CACNA2D3: variants seen among roughly 807,000 people sequenced by gnomAD.
CACNA2D3 encodes calcium voltage-gated channel auxiliary subunit alpha2delta 3, also known as voltage-dependent calcium channel subunit alpha-2/delta-3.
Under a neutral mutation model 160.6 loss-of-function variants are expected in CACNA2D3, and 60 were observed. The observed-to-expected ratio is 0.37, with a 90% CI of 0.30 to 0.46. The LOEUF is 0.46. Among genes scored for constraint, CACNA2D3 ranks in the 20% least tolerant of loss-of-function variants. The pLI is 1.00. For synonymous variants in CACNA2D3, 558 were observed against 492.9 expected, an observed-to-expected ratio of 1.13 and a Z score of -1.75; for missense variants, 1,205 against 1,365.0, an observed-to-expected ratio of 0.88 and a Z score of 1.85.
chr3:54,734,260 A>G (rs1701452467), intron 11 of CACNA2D3, among the ~76,000 whole-genome samples: 1 of 152,160 alleles, frequency 6.6e-6, no homozygotes, highest in Non-Finnish European at 1.5e-5. Context: ...TTCTCTTGTC[A>G]TACCCAATTC....
chr3:54,123,707 C>T, intron 2 of CACNA2D3, 113 bp downstream of exon 2: 1 of 854,134 alleles, frequency 1.2e-6, no homozygotes, highest in Non-Finnish European at 2.0e-6. Context: ...TCGGAGGACT[C>T]TCTGATCCCC....
intron 4 of CACNA2D3, among the ~76,000 whole-genome samples, chr3:54,462,527 C>G (rs544535237): frequency 6.6e-6 from 1 of 152,092 alleles, no homozygotes; most frequent in South Asian, 2.1e-4. Flanking sequence ...TACCATTATG[C>G]AATGGCCTTC....
At chr3:55,012,129 T>A (rs780064338) in intron 34 of CACNA2D3, among the ~76,000 whole-genome samples, 24 of 152,178 alleles carry the variant, frequency 1.6e-4, no homozygotes, top group African/African-American at 5.5e-4. Flanking sequence ...GCTTCTTGCC[T>A]GCTGTGAGGT....
chr3:54,687,103 A>ATTTTTCTTTTTCTTTTTCTTTTTC lies in CACNA2D3; in HGVS notation c.1167+44885_1167+44886insCTTTTTCTTTTTCTTTTTCTTTTT, dbSNP rs1295361854. ...CAAAGTATTCTGTTATTCAAATCGGATTTTTCTTTTTCTTTTTCTTTTTTT... is the reference window on the plus strand; with the variant it reads ...CAAAGTATTCTGTTATTCAAATCGGATTTTTCTTTTTCTTTTTCTTTTTCTTTTTCTTTTTCTTTTTCTTTTTTT... On this transcript the variant is annotated intron_variant, in intron 11 of 37. Transcript: ENST00000474759. Among the ~76,000 whole-genome samples, 895 of 99,846 alleles carry ATTTTTCTTTTTCTTTTTCTTTTTC rather than the reference A, an allele frequency of 9.0e-3. 48 individuals are homozygous for ATTTTTCTTTTTCTTTTTCTTTTTC. The highest frequency in any genetic ancestry group is 0.033 in the African/African-American group (854 of 25,840). The allele number at this position is 99,846 out of a possible 152,430, so 65.5% of individuals were successfully genotyped here.
chr3:54,934,165 A>G (rs1701272957), intron 27 of CACNA2D3, among the ~76,000 whole-genome samples: 1 of 152,250 alleles, frequency 6.6e-6, no homozygotes, highest in African/African-American at 2.4e-5. Flanking sequence ...TTGCAAACAC[A>G]TGGATTGTGA....
At chr3:54,548,044 C>A (rs1702093928) in intron 5 of CACNA2D3, among the ~76,000 whole-genome samples, 1 of 152,128 alleles carries the variant, frequency 6.6e-6, no homozygotes, top group Admixed American at 6.6e-5. Flanking sequence ...ACACCTGCCA[C>A]TCCACACATT....
intron 17 of CACNA2D3, among the ~76,000 whole-genome samples, chr3:54,870,434 G>GTA (rs1699499520): frequency 6.6e-6 from 1 of 152,186 alleles, no homozygotes; most frequent in South Asian, 2.1e-4. Context: ...AAAGAAAGCA[G>GTA]TATACATGCA....
chr3:54,269,541 G>A (rs1702579186), intron 2 of CACNA2D3, among the ~76,000 whole-genome samples: 1 of 152,158 alleles, frequency 6.6e-6, no homozygotes, highest in Admixed American at 6.5e-5. Context: ...TGAGGGAGAT[G>A]TGCCCACACA....
intron 2 of CACNA2D3, among the ~76,000 whole-genome samples, chr3:54,161,704 CA>C (rs1700347615): frequency 1.3e-5 from 2 of 152,306 alleles, no homozygotes; most frequent in Admixed American, 1.3e-4. Context: ...CAAACCTGTT[CA>C]ATATCATGAT....
chr3:54,923,523 G>C (rs936797850), intron 27 of CACNA2D3, among the ~76,000 whole-genome samples: 5 of 152,046 alleles, frequency 3.3e-5, no homozygotes, highest in Non-Finnish European at 5.9e-5. Context: ...TTGTTTCTTA[G>C]CACTAACTGC....
intron 2 of CACNA2D3, among the ~76,000 whole-genome samples, chr3:54,284,712 G>A (rs757619511): frequency 3.3e-5 from 5 of 152,070 alleles, no homozygotes; most frequent in South Asian, 2.1e-4. Flanking sequence ...AAAAATAGTC[G>A]TCCAATTACC....
At chr3:54,181,584 T>A (rs879625406) in intron 2 of CACNA2D3, among the ~76,000 whole-genome samples, 9 of 152,242 alleles carry the variant, frequency 5.9e-5, no homozygotes, top group Non-Finnish European at 1.3e-4. Flanking sequence ...AGATTTTTTT[T>A]AAGAGGTCAG....
At chr3:54,495,668 GAACCCAGGAGGCAGAGGCT>G (rs893769458) in intron 4 of CACNA2D3, among the ~76,000 whole-genome samples, 6 of 152,150 alleles carry the variant, frequency 3.9e-5, no homozygotes, top group African/African-American at 1.4e-4. Flanking sequence ...AGGATCACTT[GAACCCAGGAGGCAGAGGCT>G]GCAGTGAGCC....
chr3:54,488,316 C>T (rs981757540), intron 4 of CACNA2D3, among the ~76,000 whole-genome samples: 1 of 152,074 alleles, frequency 6.6e-6, no homozygotes, highest in African/African-American at 2.4e-5. Context: ...GGAGGACTTC[C>T]GAAACCAACT....
At chr3:54,536,234 A>G (rs1001538285) in intron 5 of CACNA2D3, among the ~76,000 whole-genome samples, 14 of 152,178 alleles carry the variant, frequency 9.2e-5, no homozygotes, top group African/African-American at 2.9e-4. Context: ...CATTATATGT[A>G]GGGGGTGATA....
At chr3:54,801,748 G>A (rs1331357567) in intron 13 of CACNA2D3, among the ~76,000 whole-genome samples, 1 of 151,996 alleles carries the variant, frequency 6.6e-6, no homozygotes, top group Non-Finnish European at 1.5e-5. Flanking sequence ...TATATGTGTT[G>A]CCAAGAAGGG....
At chr3:54,228,732 A>G (rs1417723325) in intron 2 of CACNA2D3, among the ~76,000 whole-genome samples, 1 of 152,248 alleles carries the variant, frequency 6.6e-6, no homozygotes, top group African/African-American at 2.4e-5. Context: ...GAAACTGGAT[A>G]ATAGCCTCAG....
intron 2 of CACNA2D3, among the ~76,000 whole-genome samples, chr3:54,187,754 G>C (rs9311527): frequency 0.012 from 1,777 of 152,234 alleles, 31 homozygotes; most frequent in African/African-American, 0.041. Flanking sequence ...CTCATAAGGA[G>C]CGTGCAACCT....
chr3:54,420,640 G>T (rs753533787), intron 4 of CACNA2D3, among the ~76,000 whole-genome samples: 1 of 152,272 alleles, frequency 6.6e-6, no homozygotes, highest in South Asian at 2.1e-4. Flanking sequence ...GCATTTGGGG[G>T]TTATGACCAT....
Sources: gnomAD v4.1 joint callset for allele counts (sites outside exome capture counted in the v4.1 genomes callset) on GRCh38, gnomAD v4.1.1 for gene constraint, MANE v1.5 for transcripts, NCBI Gene and HGNC (gene_info 2026-07-23, HGNC 2026-07-21) for gene names.